Variants in SLC24A2 observed in about 807,000 individuals in gnomAD.
SLC24A2 encodes the protein solute carrier family 24 member 2.
Under a neutral mutation model 62.0 loss-of-function variants are expected in SLC24A2, and 36 were observed. The ratio of observed to expected loss-of-function variants is 0.58; its 90% CI spans 0.44 to 0.77. The LOEUF (loss-of-function observed/expected upper bound fraction) is 0.77, where lower values mean the gene tolerates loss of function less well. SLC24A2 is among the 30% of genes least tolerant of loss of function. The pLI is 0.00. For synonymous variants in SLC24A2, 358 were observed against 294.0 expected, an observed-to-expected ratio of 1.22 and a Z score of -2.23; for missense variants, 846 against 817.9, an observed-to-expected ratio of 1.03 and a Z score of -0.42.
the SLC24A2 span, among the ~76,000 whole-genome samples, chr9:20,150,133 C>T: frequency 2.0e-5 from 3 of 151,896 alleles, no homozygotes; most frequent in Non-Finnish European, 4.4e-5. Context: ...GTGAAGTACC[C>T]GCAACTGACC....
the SLC24A2 span, among the ~76,000 whole-genome samples, chr9:19,901,484 G>T: frequency 6.6e-6 from 1 of 152,176 alleles, no homozygotes; most frequent in Non-Finnish European, 1.5e-5. Flanking sequence ...TTCAAAGGAG[G>T]TCAAAGGAGG....
intron 4 of SLC24A2, among the ~76,000 whole-genome samples, chr9:19,613,755 A>C (rs1817690681): frequency 1.3e-5 from 2 of 152,166 alleles, no homozygotes; most frequent in South Asian, 4.1e-4. Context: ...AGAACAAGGA[A>C]TGCTGGGTTG....
chr9:19,546,246 A>G (rs1834559545), intron 8 of SLC24A2, among the ~76,000 whole-genome samples: 1 of 152,220 alleles, frequency 6.6e-6, no homozygotes, highest in Admixed American at 6.5e-5. Context: ...CTCTCTTCAG[A>G]GCCAGTAGGC....
chr9:20,061,652 A>T, the SLC24A2 span, among the ~76,000 whole-genome samples: 1 of 152,224 alleles, frequency 6.6e-6, no homozygotes, highest in Admixed American at 6.5e-5. Flanking sequence ...TTTTCAATAG[A>T]TGGTTGTGCT....
the SLC24A2 span, among the ~76,000 whole-genome samples, chr9:19,818,038 A>G: frequency 1.3e-5 from 2 of 152,112 alleles, no homozygotes; most frequent in African/African-American, 4.8e-5. Context: ...ATGAGCCACC[A>G]CACTAGCCTA....
At chr9:20,102,204 T>C in the SLC24A2 span, among the ~76,000 whole-genome samples, 1 of 152,160 alleles carries the variant, frequency 6.6e-6, no homozygotes, top group African/African-American at 2.4e-5. Context: ...CTAAGGTTTC[T>C]GGGGTAAAAA....
the SLC24A2 span, among the ~76,000 whole-genome samples, chr9:20,023,110 C>G: frequency 6.6e-6 from 1 of 152,136 alleles, no homozygotes; most frequent in African/African-American, 2.4e-5. Context: ...TTGGTCCACT[C>G]AGTCATAAAA....
the SLC24A2 span, among the ~76,000 whole-genome samples, chr9:20,302,611 T>C: frequency 6.6e-6 from 1 of 152,340 alleles, no homozygotes; most frequent in South Asian, 2.1e-4. Context: ...TTTTTTATAC[T>C]TTTCTTTTGG....
At chr9:19,578,764 G>C (rs1836113756) in intron 5 of SLC24A2, among the ~76,000 whole-genome samples, 1 of 152,144 alleles carries the variant, frequency 6.6e-6, no homozygotes, top group African/African-American at 2.4e-5. Context: ...GACTGGCTGG[G>C]AGTGACAGCA....
intron 2 of SLC24A2, among the ~76,000 whole-genome samples, chr9:19,676,758 A>G (rs1819573030): frequency 1.3e-5 from 2 of 152,322 alleles, no homozygotes; most frequent in South Asian, 2.1e-4. Context: ...ATTGAGTTGC[A>G]TATTAGGAAG....
At chr9:20,209,656 C>T in the SLC24A2 span, among the ~76,000 whole-genome samples, 222 of 152,230 alleles carry the variant, frequency 1.5e-3, 2 homozygotes, top group African/African-American at 5.0e-3. Context: ...GCCTTGAAAC[C>T]AAACGCCAGC....
intron 2 of SLC24A2, among the ~76,000 whole-genome samples, chr9:19,657,752 C>T (rs1195437425): frequency 1.3e-5 from 2 of 152,018 alleles, no homozygotes; most frequent in Admixed American, 6.6e-5. Flanking sequence ...TTTGAAACAG[C>T]GTCTTGTGGC....
intron 5 of SLC24A2, among the ~76,000 whole-genome samples, chr9:19,590,051 C>T (rs1836503330): frequency 1.3e-5 from 2 of 152,172 alleles, no homozygotes; most frequent in Admixed American, 6.5e-5. Flanking sequence ...GATGTGCTTT[C>T]CTGACCAGCT....
At chr9:20,217,032 A>G in the SLC24A2 span, among the ~76,000 whole-genome samples, 28 of 152,212 alleles carry the variant, frequency 1.8e-4, no homozygotes, top group South Asian at 4.1e-4. Flanking sequence ...GTCAAGAAGA[A>G]AAATGTTCAT....
chr9:20,273,069 A>G, the SLC24A2 span, among the ~76,000 whole-genome samples: 1 of 152,210 alleles, frequency 6.6e-6, no homozygotes, highest in Non-Finnish European at 1.5e-5. Flanking sequence ...TGTGAGGCAG[A>G]CGATGTGTCT....
At position 19,669,628 on chromosome 9, in the gene SLC24A2, G is replaced by C. The variant is rs141610747; in HGVS notation, c.931-47329C>G. Among the ~76,000 whole-genome samples the C allele has an allele frequency of 7.9e-5, 12 of 152,228 alleles. No homozygotes were observed. The East Asian group carries it at 1.9e-3, about 25-fold the overall frequency. On this transcript the variant is annotated intron_variant, in intron 2 of 10. Transcript: ENST00000341998. ...AAAATCCATTTCCTTGCCTTTCCCA[G>C]CTTCTAGGGGTTACCCACATTTCTT...
At chr9:19,996,331 CT>C in the SLC24A2 span, among the ~76,000 whole-genome samples, 1 of 152,166 alleles carries the variant, frequency 6.6e-6, no homozygotes, top group African/African-American at 2.4e-5. Context: ...TGTGAAATTC[CT>C]CTGAAATACC....
the SLC24A2 span, among the ~76,000 whole-genome samples, chr9:19,860,856 G>C: frequency 6.6e-6 from 1 of 152,176 alleles, no homozygotes; most frequent in African/African-American, 2.4e-5. Flanking sequence ...AGACTTTTCT[G>C]CCTTTGGAAA....
At chr9:20,247,418 G>A in the SLC24A2 span, among the ~76,000 whole-genome samples, 1 of 152,184 alleles carries the variant, frequency 6.6e-6, no homozygotes, top group African/African-American at 2.4e-5. Flanking sequence ...TAAGGTGATG[G>A]CATTAGGAGG....
Sources: gnomAD v4.1 joint callset for allele counts (sites outside exome capture counted in the v4.1 genomes callset) on GRCh38, gnomAD v4.1.1 for gene constraint, MANE v1.5 for transcripts, NCBI Gene and HGNC (gene_info 2026-07-23, HGNC 2026-07-21) for gene names.